SNX29: variants seen among roughly 807,000 people sequenced by gnomAD.
The protein encoded by SNX29 is sorting nexin-29.
Under a neutral mutation model 102.1 loss-of-function variants are expected in SNX29, and 78 were observed. The observed-to-expected ratio is 0.76, with a 90% CI of 0.64 to 0.92. The LOEUF is 0.92. SNX29 is among the 40% of genes least tolerant of loss of function. The probability of loss-of-function intolerance (pLI) is 0.00; values close to 1 mark genes in which losing one functional copy is unlikely to be tolerated. For synonymous variants in SNX29, 580 were observed against 414.5 expected (o/e 1.40, Z -4.85); for missense variants, 1,280 against 1,061.7 (o/e 1.21, Z -2.86).
intron 16 of SNX29, among the ~76,000 whole-genome samples, chr16:12,359,527 T>A (rs1057220753): frequency 6.6e-6 from 1 of 152,228 alleles, no homozygotes; most frequent in African/African-American, 2.4e-5. Flanking sequence ...CCTTTTCAGT[T>A]ACATGTATTT....
At chr16:12,528,867 A>AGAAGGTGGGCAG (rs1474515661) in intron 20 of SNX29, among the ~76,000 whole-genome samples, 1 of 152,208 alleles carries the variant, frequency 6.6e-6, no homozygotes, top group Non-Finnish European at 1.5e-5. Flanking sequence ...TTGGGAACTG[A>AGAAGGTGGGCAG]GAAGGTGGGC....
At chr16:12,564,920 G>A (rs549029551) in intron 20 of SNX29, among the ~76,000 whole-genome samples, 3 of 112,542 alleles carry the variant, frequency 2.7e-5, no homozygotes, top group South Asian at 3.5e-4. Flanking sequence ...AGGGACTGGA[G>A]GGAACCTTGG....
chr16:12,099,322 C>G (rs147891612), intron 11 of SNX29, among the ~76,000 whole-genome samples: 52 of 152,308 alleles, frequency 3.4e-4, no homozygotes, highest in African/African-American at 9.6e-4. Flanking sequence ...CTCCCTGATT[C>G]TTCTCGAACC....
At chr16:12,347,351 C>T (rs1050176781) in intron 15 of SNX29, among the ~76,000 whole-genome samples, 1 of 152,006 alleles carries the variant, frequency 6.6e-6, no homozygotes, top group Non-Finnish European at 1.5e-5. Context: ...TCAGGGCAAG[C>T]CTGAATAACT....
intron 19 of SNX29, among the ~76,000 whole-genome samples, chr16:12,514,450 G>A (rs1233934031): frequency 6.6e-6 from 1 of 152,174 alleles, no homozygotes; most frequent in Non-Finnish European, 1.5e-5. Flanking sequence ...GGATATAAGG[G>A]CACTGGCTCA....
chr16:12,079,987 T>C (rs1248129038), intron 11 of SNX29, among the ~76,000 whole-genome samples: 1 of 152,254 alleles, frequency 6.6e-6, no homozygotes, highest in East Asian at 1.9e-4. Flanking sequence ...ATGATCATTC[T>C]ATTTTGATGT....
At chr16:12,489,245 G>A (rs1290886782) in intron 19 of SNX29, among the ~76,000 whole-genome samples, 2 of 151,126 alleles carry the variant, frequency 1.3e-5, no homozygotes, top group Admixed American at 1.3e-4. Context: ...AACAAATTGA[G>A]AACTGTGTAT....
chr16:12,553,136 C>T (rs758005809), intron 20 of SNX29, among the ~76,000 whole-genome samples: 9 of 152,108 alleles, frequency 5.9e-5, no homozygotes, highest in Non-Finnish European at 1.2e-4. Context: ...GGGCTTCTGG[C>T]TCACAGCTCT....
rs1387510560 is a variant in SNX29 at position 12,570,025 on chromosome 16, G to C, written c.*1396G>C. 2.9e-6 allele frequency: 1 copy of C among 343,154 alleles called. No individual in the cohort carries two copies. The highest frequency in any genetic ancestry group is 4.6e-6 in the Non-Finnish European group (1 of 219,170). 21.3% of individuals were successfully genotyped at this position (343,154 alleles called of 1,614,324 possible). ...CTTAAAATGAGAACTGCCCAGGTGA[G>C]CATGGAGCATCTCCTAGGCTCGAGG... On this transcript the variant is annotated 3_prime_UTR_variant, in exon 21 of 21. Coordinates refer to ENST00000566228, the MANE Select transcript of SNX29 (RefSeq NM_032167.5).
intron 14 of SNX29, among the ~76,000 whole-genome samples, chr16:12,272,328 AGCAGGACCTCCTT>A: frequency 6.6e-6 from 1 of 152,284 alleles, no homozygotes; most frequent in African/African-American, 2.4e-5. Context: ...AATTGTGATG[AGCAGGACCTCCTT>A]GCAGAGGGCA....
At chr16:12,548,438 G>GTACCATGGCA (rs1395437762) in intron 20 of SNX29, among the ~76,000 whole-genome samples, 2 of 152,192 alleles carry the variant, frequency 1.3e-5, no homozygotes, top group Non-Finnish European at 2.9e-5. Context: ...CCACATCCCT[G>GTACCATGGCA]TACCATGGCA....
intron 18 of SNX29, among the ~76,000 whole-genome samples, chr16:12,413,319 G>A (rs1282602887): frequency 6.6e-6 from 1 of 152,068 alleles, no homozygotes; most frequent in African/African-American, 2.4e-5. Flanking sequence ...GGCAAAATAC[G>A]TTAGCAGTAA....
At chr16:12,478,513 C>G (rs754299572) in intron 19 of SNX29, among the ~76,000 whole-genome samples, 23 of 152,200 alleles carry the variant, frequency 1.5e-4, no homozygotes, top group Non-Finnish European at 3.2e-4. Context: ...TGCTAGCCCT[C>G]TGCAAGCTCA....
chr16:12,170,916 G>A (rs888647344), intron 13 of SNX29, among the ~76,000 whole-genome samples: 3 of 151,964 alleles, frequency 2.0e-5, no homozygotes, highest in African/African-American at 7.3e-5. Context: ...CCTGATGGCT[G>A]GAGAGAGAGC....
intron 19 of SNX29, among the ~76,000 whole-genome samples, chr16:12,496,927 C>T (rs901197173): frequency 6.6e-6 from 1 of 152,014 alleles, no homozygotes; most frequent in African/African-American, 2.4e-5. Context: ...GGGTAATGGA[C>T]AGGTTCAGGC....
intron 13 of SNX29, among the ~76,000 whole-genome samples, chr16:12,137,183 A>G (rs570103912): frequency 6.6e-6 from 1 of 152,328 alleles, no homozygotes; most frequent in African/African-American, 2.4e-5. Flanking sequence ...GGACGGTTAC[A>G]TCAGCTGAGG....
intron 11 of SNX29, among the ~76,000 whole-genome samples, chr16:12,113,480 A>C (rs879609656): frequency 6.6e-6 from 1 of 152,140 alleles, no homozygotes; most frequent in Non-Finnish European, 1.5e-5. Context: ...TCCGGGTGTG[A>C]GATCTGCCTG....
intron 20 of SNX29, among the ~76,000 whole-genome samples, chr16:12,564,670 C>G (rs900168455): frequency 6.6e-6 from 1 of 152,144 alleles, no homozygotes; most frequent in Admixed American, 6.5e-5. Context: ...CATATCTTGT[C>G]CACACATTCC....
At chr16:12,035,204 CTT>C (rs3971431) in intron 4 of SNX29, among the ~76,000 whole-genome samples, 440 of 135,232 alleles carry the variant, frequency 3.3e-3, no homozygotes, top group Admixed American at 3.6e-3. Context: ...AGAAATTTCC[CTT>C]TTTTTTTTTT....
Sources: allele counts gnomAD v4.1 joint callset (sites outside exome capture counted in the v4.1 genomes callset), GRCh38; gene constraint gnomAD v4.1.1; transcripts MANE v1.5; gene names NCBI Gene and HGNC (gene_info 2026-07-23, HGNC 2026-07-21).